Variants in TENM3 observed in about 807,000 individuals in gnomAD.
TENM3 encodes the protein teneurin-3.
In TENM3, 63 loss-of-function variants were observed where a neutral mutation model predicts 255.1. That is an observed-to-expected ratio of 0.25 (90% CI 0.20 to 0.30). The LOEUF is 0.30. Among genes scored for constraint, TENM3 ranks in the 10% least tolerant of loss-of-function variants. TENM3 has a pLI of 1.00. For missense variants in TENM3, 2,929 were observed against 3,461.1 expected (o/e 0.85, Z 3.86); for synonymous variants, 1,306 against 1,322.3 (o/e 0.99, Z 0.27).
intron 3 of TENM3, among the ~76,000 whole-genome samples, chr4:182,352,612 G>T (rs916538303): frequency 1.3e-5 from 2 of 152,120 alleles, no homozygotes; most frequent in African/African-American, 4.8e-5. Flanking sequence ...ATGAAAAAGG[G>T]TATAACATTA....
intron 3 of TENM3, among the ~76,000 whole-genome samples, chr4:182,519,907 A>G (rs1265736678): frequency 1.3e-5 from 2 of 152,116 alleles, no homozygotes; most frequent in African/African-American, 2.4e-5. Context: ...CTGTATTTCA[A>G]AATTTCTAAG....
intron 26 of TENM3, among the ~76,000 whole-genome samples, chr4:182,796,229 G>A (rs947451634): frequency 6.6e-6 from 1 of 152,212 alleles, no homozygotes; most frequent in African/African-American, 2.4e-5. Context: ...AATCGCTTTG[G>A]AGAGCTAATA....
At chr4:182,216,747 T>C (rs1755496455) in intron 1 of TENM3, among the ~76,000 whole-genome samples, 1 of 152,232 alleles carries the variant, frequency 6.6e-6, no homozygotes, top group Non-Finnish European at 1.5e-5. Context: ...TGGTGTTCAA[T>C]AAATGTTGAA....
At chr4:181,578,355 C>G in the TENM3 span, among the ~76,000 whole-genome samples, 1 of 152,190 alleles carries the variant, frequency 6.6e-6, no homozygotes, top group African/African-American at 2.4e-5. Flanking sequence ...CCCTTTCTCC[C>G]TGCTCCCTGA....
the TENM3 span, among the ~76,000 whole-genome samples, chr4:182,044,376 G>A: frequency 1.3e-5 from 2 of 152,206 alleles, no homozygotes; most frequent in South Asian, 2.1e-4. Flanking sequence ...TGCTCTTACT[G>A]CATACGTTTT....
chr4:181,553,472 G>T, the TENM3 span, among the ~76,000 whole-genome samples: 355 of 151,750 alleles, frequency 2.3e-3, 2 homozygotes, highest in Middle Eastern at 0.014. Context: ...GGCGGAGTCT[G>T]GCTCTGTCGC....
intron 3 of TENM3, among the ~76,000 whole-genome samples, chr4:182,469,119 A>C (rs2151439243): frequency 6.6e-6 from 1 of 152,276 alleles, no homozygotes; most frequent in East Asian, 1.9e-4. Context: ...TCTCCAATGG[A>C]AACATTATTT....
At position 182,801,378 on chromosome 4, in the gene TENM3, G is replaced by C. The variant is rs990535880; in HGVS notation, c.*1027G>C. 1 of 152,208 alleles carries C rather than the reference G, an allele frequency of 6.6e-6. No individual in the cohort carries two copies. The highest frequency in any genetic ancestry group is 1.5e-5 in the Non-Finnish European group (1 of 68,042). The allele number at this position is 152,208 out of a possible 1,614,324, so 9.4% of individuals were successfully genotyped here. A position where few individuals can be genotyped will look rare whatever the true frequency, so the allele number is the denominator to read the frequency against. On this transcript the variant is annotated 3_prime_UTR_variant, in exon 28 of 28. Transcript: ENST00000511685. ...CTCACGCATCAGGCCAGTGTCCTCAGCATTGTCAACTGAGAGGCACAGTAG... is the reference window on the plus strand; with the variant it reads ...CTCACGCATCAGGCCAGTGTCCTCACCATTGTCAACTGAGAGGCACAGTAG...
chr4:181,571,515 C>A, the TENM3 span, among the ~76,000 whole-genome samples: 575 of 151,986 alleles, frequency 3.8e-3, 3 homozygotes, highest in African/African-American at 0.013. Flanking sequence ...TTAGAAAAAA[C>A]TTTTTAGAAA....
rs976328771 is a variant in TENM3 at position 182,641,785 on chromosome 4, C to T, written c.989-11986C>T. Among the ~76,000 whole-genome samples the T allele has an allele frequency of 3.3e-5, 5 of 152,196 alleles. No homozygotes were observed. The South Asian group carries it at 8.3e-4, about 25-fold the overall frequency. On this transcript the variant is annotated intron_variant, in intron 5 of 27. Transcript: ENST00000511685. ...CAAGTGATCCACCTGCTTCGGCCTC[C>T]CAAAGTGCTGGGATTACAGGCGCAA...
At chr4:181,783,373 C>A in the TENM3 span, among the ~76,000 whole-genome samples, 2 of 152,060 alleles carry the variant, frequency 1.3e-5, no homozygotes, top group Non-Finnish European at 2.9e-5. Flanking sequence ...CCTCTGACTG[C>A]TTTGTTTTCT....
At chr4:181,482,651 G>A in the TENM3 span, among the ~76,000 whole-genome samples, 2 of 152,058 alleles carry the variant, frequency 1.3e-5, no homozygotes, top group African/African-American at 4.8e-5. Context: ...TCAAAAAAAG[G>A]TTCCCTTTCT....
At chr4:182,034,193 C>T in the TENM3 span, among the ~76,000 whole-genome samples, 1 of 152,162 alleles carries the variant, frequency 6.6e-6, no homozygotes, top group Non-Finnish European at 1.5e-5. Context: ...GGAGGCCACT[C>T]CCATGATTCA....
the TENM3 span, among the ~76,000 whole-genome samples, chr4:182,042,454 A>T: frequency 6.6e-5 from 10 of 152,180 alleles, no homozygotes; most frequent in African/African-American, 2.4e-4. Context: ...TGTCCAGAAG[A>T]TCCAGTGTCC....
chr4:182,369,054 C>T (rs1486700312), intron 3 of TENM3, among the ~76,000 whole-genome samples: 1 of 152,190 alleles, frequency 6.6e-6, no homozygotes, highest in Non-Finnish European at 1.5e-5. Context: ...CATTACTATC[C>T]AGAAGCATTT....
At chr4:182,341,098 C>T (rs77390675) in intron 2 of TENM3, among the ~76,000 whole-genome samples, 185 of 151,990 alleles carry the variant, frequency 1.2e-3, no homozygotes, top group African/African-American at 4.0e-3. Context: ...TTACAATAAA[C>T]GAGGAAGGAT....
intron 3 of TENM3, among the ~76,000 whole-genome samples, chr4:182,521,137 A>G (rs1019543998): frequency 6.6e-6 from 1 of 152,196 alleles, no homozygotes; most frequent in Non-Finnish European, 1.5e-5. Context: ...TCACAATTCA[A>G]GGTTAAATGG....
At chr4:181,656,016 A>G in the TENM3 span, among the ~76,000 whole-genome samples, 1 of 152,172 alleles carries the variant, frequency 6.6e-6, no homozygotes, top group East Asian at 1.9e-4. Context: ...CATCCTTGAC[A>G]TGTGAGTTTC....
At chr4:182,733,678 T>G (rs1760950083) in intron 16 of TENM3, among the ~76,000 whole-genome samples, 1 of 152,060 alleles carries the variant, frequency 6.6e-6, no homozygotes, top group Non-Finnish European at 1.5e-5. Flanking sequence ...TAACAAAAAG[T>G]CAAAAAGGCT....
Sources: allele counts gnomAD v4.1 joint callset (sites outside exome capture counted in the v4.1 genomes callset), GRCh38; gene constraint gnomAD v4.1.1; transcripts MANE v1.5; gene names NCBI Gene and HGNC (gene_info 2026-07-23, HGNC 2026-07-21).